The following USP48 variants were observed in gnomAD, a reference collection of about 807,000 sequenced individuals.
The protein encoded by USP48 is ubiquitin carboxyl-terminal hydrolase 48.
USP48 carries 43 observed loss-of-function variants against 150.7 expected under a neutral mutation model. That is an observed-to-expected ratio of 0.29 (90% CI 0.22 to 0.37). The LOEUF (loss-of-function observed/expected upper bound fraction) is 0.37, where lower values mean the gene tolerates loss of function less well. USP48 is among the 10% of genes least tolerant of loss of function. The pLI is 1.00. For missense variants in USP48, 813 were observed against 1,249.6 expected (o/e 0.65, Z 5.27); for synonymous variants, 396 against 425.9 (o/e 0.93, Z 0.86).
At chr1:21,714,015 T>A (rs2097697493) in intron 15 of USP48, among the ~76,000 whole-genome samples, 1 of 152,124 alleles carries the variant, frequency 6.6e-6, no homozygotes, top group Admixed American at 6.6e-5. Context: ...ATGCTAGTAC[T>A]ACTCTAGTGG....
chr1:21,766,539 C>A (rs1409292920), intron 1 of USP48, among the ~76,000 whole-genome samples: 1 of 152,002 alleles, frequency 6.6e-6, no homozygotes, highest in Non-Finnish European at 1.5e-5. Flanking sequence ...AGAGTACACA[C>A]GATGAGTGGA....
At chr1:21,766,683 C>G (rs774041786) in intron 1 of USP48, among the ~76,000 whole-genome samples, 70 of 152,102 alleles carry the variant, frequency 4.6e-4, no homozygotes, top group Non-Finnish European at 6.9e-4. Context: ...CTCTTAGTTT[C>G]TTAGTTTTTA....
intron 1 of USP48, among the ~76,000 whole-genome samples, chr1:21,773,824 A>AT (rs2097889380): frequency 6.6e-6 from 1 of 151,888 alleles, no homozygotes; most frequent in Non-Finnish European, 1.5e-5. Flanking sequence ...AAAGTCCATC[A>AT]ACAGGAAACT....
At chr1:21,776,955 A>G (rs2097901005) in intron 1 of USP48, among the ~76,000 whole-genome samples, 1 of 151,374 alleles carries the variant, frequency 6.6e-6, no homozygotes, top group Non-Finnish European at 1.5e-5. Flanking sequence ...CTCAAAGAAA[A>G]AAAAAAAAAA....
intron 6 of USP48, among the ~76,000 whole-genome samples, 186 bp downstream of exon 6, chr1:21,751,321 A>C (rs1295625012): frequency 6.6e-6 from 1 of 152,238 alleles, no homozygotes; most frequent in East Asian, 1.9e-4. Flanking sequence ...AATAAGCAAA[A>C]TTATTTTTAA....
intron 25 of USP48, among the ~76,000 whole-genome samples, chr1:21,681,715 T>C (rs905677071): frequency 6.6e-6 from 1 of 152,220 alleles, no homozygotes; most frequent in Admixed American, 6.5e-5. Flanking sequence ...CATTACTTTT[T>C]ACGCCATTAA....
intron 9 of USP48, among the ~76,000 whole-genome samples, chr1:21,731,706 G>C (rs2097757330): frequency 6.6e-6 from 1 of 151,908 alleles, no homozygotes; most frequent in African/African-American, 2.4e-5. Flanking sequence ...CACAGTAAAA[G>C]CCCGTATCTA....
chr1:21,754,393 T>C (rs544988427), intron 3 of USP48, among the ~76,000 whole-genome samples: 28 of 152,284 alleles, frequency 1.8e-4, no homozygotes, highest in African/African-American at 5.8e-4. Context: ...CGTAGAATTT[T>C]AGAGTTGAAA....
At chr1:21,749,193 T>C (rs564694864) in intron 6 of USP48, among the ~76,000 whole-genome samples, 2 of 152,266 alleles carry the variant, frequency 1.3e-5, no homozygotes, top group East Asian at 3.9e-4. Flanking sequence ...TACCATATTG[T>C]AAGTAATGCA....
chr1:21,759,623 A>G (rs1487237678), intron 1 of USP48, among the ~76,000 whole-genome samples: 1 of 152,204 alleles, frequency 6.6e-6, no homozygotes, highest in Non-Finnish European at 1.5e-5. Flanking sequence ...AAAAGAGCAC[A>G]AGAGTTGGCT....
At chr1:21,695,287 GT>G in intron 22 of USP48, 66 bp from the exon 23 acceptor site, 1 of 1,481,880 alleles carries the variant, frequency 6.7e-7, no homozygotes, top group Non-Finnish European at 9.0e-7. Flanking sequence ...TGCTCATGAA[GT>G]TTTTCAGGTA....
intron 8 of USP48, among the ~76,000 whole-genome samples, chr1:21,737,872 T>C (rs2097771940): frequency 6.6e-6 from 1 of 152,066 alleles, no homozygotes. Context: ...ATCTTTACAG[T>C]ACAAATCTTT....
chr1:21,763,143 G>A (rs2097853968), intron 1 of USP48, among the ~76,000 whole-genome samples: 1 of 152,150 alleles, frequency 6.6e-6, no homozygotes, highest in African/African-American at 2.4e-5. Flanking sequence ...ACTTTCAAAA[G>A]CTACTATGAG....
At position 21,748,142 on chromosome 1, in the gene USP48, C is replaced by T. The variant is rs778859030; in HGVS notation, c.904G>A (p.Asp302Asn). 1 of 1,613,312 alleles carries T rather than the reference C, an allele frequency of 6.2e-7. No homozygotes were observed. Among genetic ancestry groups the T allele is most frequent in the Admixed American group, 1.7e-5 (1 of 59,850 alleles). Reference protein sequence around the residue: ...LNLQLMRFVFDRQTGHKKKLN... With the variant: ...LNLQLMRFVFNRQTGHKKKLN... ...CTAATATTTGCACACATTTACCTGT[C>T]AAAGACAAAACGCATTAGCTGCAAG... is the stretch of plus-strand genomic sequence containing the variant. Residue 302 changes from aspartate to asparagine, a missense_variant, in exon 7 of 27, where the codon GAC becomes AAC. By Grantham distance (23) the Asp-to-Asn change is conservative. Coordinates refer to ENST00000308271, the MANE Select transcript of USP48 (RefSeq NM_032236.8).
At position 21,706,025 on chromosome 1, in the gene USP48, T is replaced by C. The variant is rs1017056846; in HGVS notation, c.2273+101A>G. ...CAGTGTATGCTGGTGAAAGTAACCA[T>C]GAAGGAAGGGTACAACAAACAGAAT... On this transcript the variant is annotated intron_variant, in intron 18 of 26. Transcript: ENST00000308271. 14 of 1,312,802 alleles carry C rather than the reference T, an allele frequency of 1.1e-5. No homozygotes were observed. The African/African-American group carries it at 1.5e-4, about 14-fold the overall frequency. The allele number at this position is 1,312,802 out of a possible 1,614,324, so 81.3% of individuals were successfully genotyped here. A position where few individuals can be genotyped will look rare whatever the true frequency, so the allele number is the denominator to read the frequency against.
In USP48 at chr1:21,782,836, C is replaced by G. The variant is rs2097917974; in HGVS notation, c.122G>C (p.Arg41Pro). ...GCGCGGGCCTCACCTGCACACGCCGCGAATGCAGGGCTCCAGCCAGATGCG... is the reference window on the plus strand; with the variant it reads ...GCGCGGGCCTCACCTGCACACGCCGGGAATGCAGGGCTCCAGCCAGATGCG... ...AYRIWLEPCIRGVCRRNCKGN... is the reference protein window; with the variant it reads ...AYRIWLEPCIPGVCRRNCKGN... Residue 41 changes from arginine to proline, a missense_variant, in exon 1 of 27, where the codon CGC becomes CCC. Coordinates refer to ENST00000308271, the MANE Select transcript of USP48 (RefSeq NM_032236.8). The G allele has an allele frequency of 6.4e-7, 1 of 1,555,690 alleles. No individual in the cohort carries two copies. The highest frequency in any genetic ancestry group is 8.7e-7 in the Non-Finnish European group (1 of 1,151,990).
At chr1:21,754,492 A>G (rs1211147095) in intron 3 of USP48, among the ~76,000 whole-genome samples, 5 of 152,184 alleles carry the variant, frequency 3.3e-5, no homozygotes, top group Admixed American at 3.3e-4. Context: ...TTAAGTTATT[A>G]ACTTATTGCT....
At chr1:21,729,166 C>A (rs1206363425) in intron 10 of USP48, among the ~76,000 whole-genome samples, 3 of 151,870 alleles carry the variant, frequency 2.0e-5, no homozygotes, top group Admixed American at 6.6e-5. Flanking sequence ...ACCTGTAATC[C>A]CAGCTACTCG....
chr1:21,755,144 T>C (rs542656509), intron 3 of USP48, among the ~76,000 whole-genome samples: 1 of 152,326 alleles, frequency 6.6e-6, no homozygotes, highest in South Asian at 2.1e-4. Flanking sequence ...GTAGCTTCTG[T>C]CTTCTAACTG....
Sources: allele counts gnomAD v4.1 joint callset (sites outside exome capture counted in the v4.1 genomes callset), GRCh38; gene constraint gnomAD v4.1.1; transcripts MANE v1.5; gene names NCBI Gene and HGNC (gene_info 2026-07-23, HGNC 2026-07-21).